MBNL2: variants seen among roughly 807,000 people sequenced by gnomAD.
MBNL2 encodes the protein muscleblind-like protein 2.
In MBNL2, 17 loss-of-function variants were observed where a neutral mutation model predicts 41.9. The ratio of observed to expected loss-of-function variants is 0.41; its 90% CI spans 0.28 to 0.61. The LOEUF is 0.61. Among genes scored for constraint, MBNL2 ranks in the 20% least tolerant of loss-of-function variants. The pLI is 0.35. For missense variants in MBNL2, 336 were observed against 505.6 expected (o/e 0.66, Z 3.22); for synonymous variants, 195 against 182.9 (o/e 1.07, Z -0.53).
intron 1 of MBNL2, among the ~76,000 whole-genome samples, chr13:97,244,294 T>C (rs540697660): frequency 6.6e-6 from 1 of 152,322 alleles, no homozygotes; most frequent in Non-Finnish European, 1.5e-5. Flanking sequence ...TCAAACACGA[T>C]GACTTTTGTA....
intron 8 of MBNL2, among the ~76,000 whole-genome samples, chr13:97,390,863 A>T (rs1279099598): frequency 6.6e-6 from 1 of 152,190 alleles, no homozygotes; most frequent in African/African-American, 2.4e-5. Context: ...GTTAATAGAT[A>T]AATAATATCT....
the MBNL2 span, among the ~76,000 whole-genome samples, chr13:97,166,841 A>AGAAAGAT: frequency 8.8e-6 from 1 of 114,260 alleles, no homozygotes; most frequent in Non-Finnish European, 1.8e-5. Context: ...GATAGATAGA[A>AGAAAGAT]AGATAGATAG....
chr13:97,274,804 A>C (rs775402466), intron 1 of MBNL2, among the ~76,000 whole-genome samples: 6 of 152,230 alleles, frequency 3.9e-5, no homozygotes, highest in Non-Finnish European at 8.8e-5. Flanking sequence ...TAGACATCTG[A>C]ACTTACTGAC....
the MBNL2 span, among the ~76,000 whole-genome samples, chr13:97,154,466 C>A: frequency 6.6e-6 from 1 of 152,014 alleles, no homozygotes; most frequent in Non-Finnish European, 1.5e-5. Flanking sequence ...AGGCATGCAC[C>A]ACCACACCGA....
In MBNL2 at chr13:97,243,195, A is replaced by G. The variant is rs75659288; in HGVS notation, c.-605+20664A>G. On this transcript the variant is annotated intron_variant, in intron 1 of 8. Coordinates refer to ENST00000679496, the MANE Select transcript of MBNL2 (RefSeq NM_001382683.1). ...ATGTCCCTTGAACATATCAAGTTCC[A>G]CTGCAGTTTAGGTAGATGCATTTTC... Among the ~76,000 whole-genome samples, 951 of 152,336 alleles carry G rather than the reference A, an allele frequency of 6.2e-3. 7 individuals are homozygous for G. The highest frequency in any genetic ancestry group is 9.6e-3 in the Non-Finnish European group (652 of 68,022).
chr13:97,269,119 C>G (rs2050412139), intron 1 of MBNL2, among the ~76,000 whole-genome samples: 1 of 152,160 alleles, frequency 6.6e-6, no homozygotes, highest in South Asian at 2.1e-4. Flanking sequence ...TCGGGGGCAA[C>G]TACTCCCAAA....
At chr13:97,170,880 G>A in the MBNL2 span, among the ~76,000 whole-genome samples, 1 of 152,136 alleles carries the variant, frequency 6.6e-6, no homozygotes, top group Non-Finnish European at 1.5e-5. Flanking sequence ...AAGTTTTTGA[G>A]AAGGCTTATT....
chr13:97,308,546 A>G (rs2058318758), intron 2 of MBNL2, among the ~76,000 whole-genome samples: 1 of 152,160 alleles, frequency 6.6e-6, no homozygotes, highest in Non-Finnish European at 1.5e-5. Context: ...CCCATTTAAC[A>G]CTGCTCATAC....
intron 6 of MBNL2, among the ~76,000 whole-genome samples, chr13:97,357,179 T>TC (rs1472945277): frequency 1.3e-5 from 2 of 152,192 alleles, no homozygotes; most frequent in Admixed American, 6.5e-5. Context: ...CAATGCTTCG[T>TC]CCCCCCTTAG....
intron 2 of MBNL2, among the ~76,000 whole-genome samples, chr13:97,295,323 G>GTT (rs59173532): frequency 1.3e-5 from 2 of 148,310 alleles, no homozygotes; most frequent in African/African-American, 4.9e-5. Flanking sequence ...GTCTTTTAAA[G>GTT]TTTTTTTTTT....
the MBNL2 span, among the ~76,000 whole-genome samples, chr13:97,202,914 C>T: frequency 6.6e-6 from 1 of 152,158 alleles, no homozygotes; most frequent in African/African-American, 2.4e-5. Context: ...CTGTCACAGC[C>T]AGTAGATTTT....
At chr13:97,248,836 T>G (rs995600239) in intron 1 of MBNL2, among the ~76,000 whole-genome samples, 1 of 152,228 alleles carries the variant, frequency 6.6e-6, no homozygotes, top group African/African-American at 2.4e-5. Flanking sequence ...TATGTTTTAT[T>G]ATTAGAAGCA....
chr13:97,315,258 G>C (rs891417693), intron 2 of MBNL2, among the ~76,000 whole-genome samples: 1 of 152,154 alleles, frequency 6.6e-6, no homozygotes, highest in East Asian at 1.9e-4. Flanking sequence ...AATTATCAAG[G>C]TATATTTGTT....
the MBNL2 span, among the ~76,000 whole-genome samples, chr13:97,148,705 G>T: frequency 1.3e-5 from 2 of 152,126 alleles, no homozygotes; most frequent in African/African-American, 4.8e-5. Flanking sequence ...CACCATTATT[G>T]TCTTCCATGG....
the MBNL2 span, among the ~76,000 whole-genome samples, chr13:97,154,977 C>A: frequency 7.9e-5 from 12 of 152,046 alleles, no homozygotes; most frequent in Non-Finnish European, 1.3e-4. Context: ...GATTAAAAAA[C>A]CTTTTGGACA....
chr13:97,238,765 G>T (rs1174683450), intron 1 of MBNL2, among the ~76,000 whole-genome samples: 1 of 152,212 alleles, frequency 6.6e-6, no homozygotes, highest in South Asian at 2.1e-4. Flanking sequence ...GCAAGTTTAG[G>T]TTGGAGGGCA....
the MBNL2 span, among the ~76,000 whole-genome samples, chr13:97,207,037 T>G: frequency 6.6e-6 from 1 of 152,180 alleles, no homozygotes; most frequent in South Asian, 2.1e-4. Flanking sequence ...TTCCCTCTAC[T>G]CACAACTTTC....
intron 1 of MBNL2, among the ~76,000 whole-genome samples, chr13:97,254,790 T>C (rs2047212846): frequency 6.6e-6 from 1 of 152,208 alleles, no homozygotes; most frequent in Admixed American, 6.5e-5. Flanking sequence ...GATTGAGTCT[T>C]GTCAAATATG....
the MBNL2 span, among the ~76,000 whole-genome samples, chr13:97,209,491 C>T: frequency 0.48 from 73,354 of 152,070 alleles, 21,547 homozygotes; most frequent in Non-Finnish European, 0.64. Flanking sequence ...TGATAAATTA[C>T]TGCAAAGTAG....
Sources: gnomAD v4.1 joint callset for allele counts (sites outside exome capture counted in the v4.1 genomes callset) on GRCh38, gnomAD v4.1.1 for gene constraint, MANE v1.5 for transcripts, NCBI Gene and HGNC (gene_info 2026-07-23, HGNC 2026-07-21) for gene names.